Variants in GPC5 observed in about 807,000 individuals in gnomAD.
GPC5 encodes the protein glypican-5.
A neutral mutation model predicts 53.9 loss-of-function variants in GPC5; 47 were observed. The ratio of observed to expected loss-of-function variants is 0.87; its 90% CI spans 0.69 to 1.11. GPC5 has a LOEUF of 1.11. GPC5 is among the 50% of genes most tolerant of loss of function. The pLI, the probability that GPC5 is intolerant of heterozygous loss-of-function variation, is 0.00. For synonymous variants in GPC5, 286 were observed against 263.3 expected, an observed-to-expected ratio of 1.09 and a Z score of -0.84; for missense variants, 748 against 713.1, an observed-to-expected ratio of 1.05 and a Z score of -0.56.
intron 2 of GPC5, among the ~76,000 whole-genome samples, chr13:91,660,706 G>A (rs1348910466): frequency 1.3e-5 from 2 of 152,176 alleles, no homozygotes; most frequent in Non-Finnish European, 2.9e-5. Flanking sequence ...AGGATTTCAG[G>A]TAGGTTTATC....
At chr13:92,491,273 A>T (rs1879749809) in intron 7 of GPC5, among the ~76,000 whole-genome samples, 1 of 152,128 alleles carries the variant, frequency 6.6e-6, no homozygotes, top group African/African-American at 2.4e-5. Flanking sequence ...TACAGAAAAA[A>T]AGATCTGATT....
chr13:92,796,467 T>C (rs969789657), intron 7 of GPC5, among the ~76,000 whole-genome samples: 1 of 151,954 alleles, frequency 6.6e-6, no homozygotes, highest in African/African-American at 2.4e-5. Flanking sequence ...CTATGTAACC[T>C]GCACATTGTG....
At chr13:92,534,483 C>G (rs555094378) in intron 7 of GPC5, among the ~76,000 whole-genome samples, 1 of 152,242 alleles carries the variant, frequency 6.6e-6, no homozygotes, top group South Asian at 2.1e-4. Flanking sequence ...ACTTCCTAGA[C>G]AGCATTTTTC....
chr13:91,575,903 G>T (rs1010759032), intron 2 of GPC5, among the ~76,000 whole-genome samples: 6 of 152,032 alleles, frequency 3.9e-5, no homozygotes, highest in African/African-American at 1.4e-4. Flanking sequence ...CAGTGTCAAA[G>T]AATTCTAAAA....
chr13:92,382,490 CCT>C (rs1245748336), intron 7 of GPC5, among the ~76,000 whole-genome samples: 2 of 151,980 alleles, frequency 1.3e-5, no homozygotes, highest in African/African-American at 4.8e-5. Flanking sequence ...CTTTAATTGC[CCT>C]GTTACTGATC....
chr13:92,084,552 G>A (rs962319300), intron 6 of GPC5, among the ~76,000 whole-genome samples: 3 of 152,118 alleles, frequency 2.0e-5, no homozygotes, highest in African/African-American at 7.2e-5. Flanking sequence ...CAGCCTGATG[G>A]GAGTCCGACT....
At chr13:91,643,710 C>T (rs1314608658) in intron 2 of GPC5, among the ~76,000 whole-genome samples, 1 of 152,080 alleles carries the variant, frequency 6.6e-6, no homozygotes, top group East Asian at 1.9e-4. Context: ...AATGGCATTC[C>T]TCGGCTTGTA....
intron 6 of GPC5, among the ~76,000 whole-genome samples, chr13:91,931,377 G>A (rs1225223228): frequency 1.3e-5 from 2 of 151,944 alleles, no homozygotes; most frequent in African/African-American, 4.8e-5. Flanking sequence ...ATTTTAGGAT[G>A]GTTTCAGCTG....
chr13:92,133,100 T>C (rs1318403446), intron 6 of GPC5, among the ~76,000 whole-genome samples: 3 of 152,164 alleles, frequency 2.0e-5, no homozygotes, highest in Non-Finnish European at 1.5e-5. Context: ...AGAATCGTAG[T>C]CAAATACCCA....
intron 1 of GPC5, among the ~76,000 whole-genome samples, chr13:91,433,728 G>C (rs1037630772): frequency 2.0e-4 from 30 of 152,236 alleles, no homozygotes; most frequent in Non-Finnish European, 3.5e-4. Context: ...TAATGGGATG[G>C]CTGGGTCAAA....
chr13:91,588,511 AT>A (rs1190698238), intron 2 of GPC5, among the ~76,000 whole-genome samples: 2 of 152,094 alleles, frequency 1.3e-5, no homozygotes, highest in South Asian at 2.1e-4. Context: ...ATCCTAAACA[AT>A]TTTTCCCCCT....
chr13:91,587,199 G>T (rs1311819437), intron 2 of GPC5, among the ~76,000 whole-genome samples: 2 of 151,930 alleles, frequency 1.3e-5, no homozygotes, highest in Admixed American at 1.3e-4. Context: ...TATGTTTTAG[G>T]CTATTTATAG....
chr13:92,484,006 C>T (rs1175220319), intron 7 of GPC5, among the ~76,000 whole-genome samples: 1 of 152,072 alleles, frequency 6.6e-6, no homozygotes, highest in Admixed American at 6.6e-5. Flanking sequence ...GGTATAATGG[C>T]ATGCACAGGT....
At chr13:91,497,499 C>A (rs1242411826) in intron 2 of GPC5, among the ~76,000 whole-genome samples, 1 of 152,306 alleles carries the variant, frequency 6.6e-6, no homozygotes, top group Admixed American at 6.5e-5. Context: ...TTCTTCATGC[C>A]TCCCAAGTCA....
chr13:91,597,771 C>A (rs2033046582), intron 2 of GPC5, among the ~76,000 whole-genome samples: 1 of 152,034 alleles, frequency 6.6e-6, no homozygotes, highest in Non-Finnish European at 1.5e-5. Flanking sequence ...GGGCATATTC[C>A]TTATGGCATT....
At chr13:91,965,241 A>T (rs545278851) in intron 6 of GPC5, among the ~76,000 whole-genome samples, 2 of 152,214 alleles carry the variant, frequency 1.3e-5, no homozygotes, top group African/African-American at 4.8e-5. Flanking sequence ...TAATATAAAA[A>T]AGCACCTAGA....
chr13:92,481,244 G>A (rs1202821010), intron 7 of GPC5, among the ~76,000 whole-genome samples: 1 of 151,896 alleles, frequency 6.6e-6, no homozygotes, highest in Non-Finnish European at 1.5e-5. Context: ...GGGACTACAG[G>A]TGCCCACCAC....
chr13:91,901,473 T>C (rs1452204514), intron 5 of GPC5, among the ~76,000 whole-genome samples: 2 of 152,042 alleles, frequency 1.3e-5, no homozygotes, highest in African/African-American at 4.8e-5. Flanking sequence ...TCTTTTCCAT[T>C]CTGAGATTTC....
At chr13:91,757,062 T>G (rs1329406687) in intron 5 of GPC5, among the ~76,000 whole-genome samples, 1 of 152,090 alleles carries the variant, frequency 6.6e-6, no homozygotes. Flanking sequence ...ATCTAGAATT[T>G]CTTTGACAGT....
Sources: gnomAD v4.1 joint callset for allele counts (sites outside exome capture counted in the v4.1 genomes callset) on GRCh38, gnomAD v4.1.1 for gene constraint, MANE v1.5 for transcripts, NCBI Gene and HGNC (gene_info 2026-07-23, HGNC 2026-07-21) for gene names.